CCDC150: variants seen among roughly 807,000 people sequenced by gnomAD.
The protein encoded by CCDC150 is coiled-coil domain containing 150.
In CCDC150, 151 loss-of-function variants were observed where a neutral mutation model predicts 156.5. That is an observed-to-expected ratio of 0.97 (90% CI 0.85 to 1.10). CCDC150 has a LOEUF of 1.10. Ranked by LOEUF, CCDC150 falls within the 50% of genes least tolerant of loss-of-function variation. CCDC150 has a pLI of 0.00. For synonymous variants in CCDC150, 452 were observed against 429.4 expected (o/e 1.05, Z -0.65); for missense variants, 1,312 against 1,268.1 (o/e 1.03, Z -0.53).
chr2:196,713,693 G>T, intron 17 of CCDC150: 1 of 1,389,754 alleles, frequency 7.2e-7, no homozygotes, highest in South Asian at 1.9e-5. Flanking sequence ...GGTAAGTGAA[G>T]ACCACAAATT....
intron 13 of CCDC150, among the ~76,000 whole-genome samples, chr2:196,685,843 T>C (rs927725351): frequency 6.6e-6 from 1 of 152,094 alleles, no homozygotes; most frequent in Non-Finnish European, 1.5e-5. Context: ...CTTGATCTCC[T>C]GACCTCGTGA....
intron 15 of CCDC150, among the ~76,000 whole-genome samples, chr2:196,701,929 A>G (rs1388660438): frequency 6.6e-6 from 1 of 152,126 alleles, no homozygotes; most frequent in Admixed American, 6.6e-5. Context: ...TATTTAAAAC[A>G]TTTTATAAAA....
At chr2:196,716,034 A>T (rs995264806) in intron 17 of CCDC150, among the ~76,000 whole-genome samples, 10 of 152,330 alleles carry the variant, frequency 6.6e-5, no homozygotes, top group African/African-American at 2.4e-4. Flanking sequence ...AACCTAAGAA[A>T]AAGAATAGGC....
At chr2:196,668,513 C>T (rs1287720976) in intron 7 of CCDC150, among the ~76,000 whole-genome samples, 2 of 151,998 alleles carry the variant, frequency 1.3e-5, no homozygotes, top group Non-Finnish European at 2.9e-5. Flanking sequence ...ATTAAAACAA[C>T]AATAATTCAA....
In CCDC150 at chr2:196,729,334, A is replaced by G; in HGVS notation, c.2698A>G (p.Lys900Glu). The part of the protein sequence containing the change: ...EKIKNQKTQI[K>E]LHLSAKANNA... ...AATAAAGAATCAAAAGACCCAAATTAAGCTCCACTTGTCAGCTAAGGCGAA... is the reference window on the plus strand; with the variant it reads ...AATAAAGAATCAAAAGACCCAAATTGAGCTCCACTTGTCAGCTAAGGCGAA... Residue 900 changes from lysine to glutamate, a missense_variant, in exon 23 of 28, where the codon AAG (lysine) becomes GAG (glutamate). Lys to Glu is a moderately conservative substitution (Grantham distance 56, BLOSUM62 1). Transcript: ENST00000389175. The G allele has an allele frequency of 6.2e-7, 1 of 1,613,940 alleles. No individual in the cohort carries two copies. Among genetic ancestry groups the G allele is most frequent in the Non-Finnish European group, 8.5e-7 (1 of 1,179,840 alleles).
chr2:196,719,414 C>T, intron 18 of CCDC150, 83 bp from the exon 19 acceptor site: 1 of 1,153,422 alleles, frequency 8.7e-7, no homozygotes, highest in East Asian at 2.7e-5. Context: ...TTTCCATGCT[C>T]TTTCCTGGGA....
chr2:196,726,171 T>C (rs1698199084), intron 22 of CCDC150, 72 bp downstream of exon 22: 3 of 1,539,012 alleles, frequency 1.9e-6, no homozygotes, highest in Non-Finnish European at 1.8e-6. Flanking sequence ...TTTCAGAGAA[T>C]GGCTACAGTT....
intron 13 of CCDC150, among the ~76,000 whole-genome samples, chr2:196,680,710 A>G (rs1476519277): frequency 6.6e-6 from 1 of 152,132 alleles, no homozygotes; most frequent in Non-Finnish European, 1.5e-5. Context: ...GTGTAAACAT[A>G]TGTTTTCAGT....
At chr2:196,659,770 T>G (rs1245462410) in intron 5 of CCDC150, among the ~76,000 whole-genome samples, 1 of 152,192 alleles carries the variant, frequency 6.6e-6, no homozygotes, top group Non-Finnish European at 1.5e-5. Context: ...GTTTCACTAT[T>G]ATTAATATCT....
chr2:196,677,391 A>G (rs2125618505), intron 13 of CCDC150, 30 bp downstream of exon 13: 2 of 1,381,652 alleles, frequency 1.4e-6, no homozygotes, highest in Non-Finnish European at 1.0e-6. Flanking sequence ...CTGATATTTC[A>G]CTATATTTCC....
At chr2:196,672,632 T>C (rs541539495) in intron 9 of CCDC150, among the ~76,000 whole-genome samples, 195 bp downstream of exon 9, 1 of 152,314 alleles carries the variant, frequency 6.6e-6, no homozygotes, top group Admixed American at 6.5e-5. Flanking sequence ...TCCAAATTCC[T>C]ATGATATATA....
chr2:196,692,661 C>T (rs529251767), intron 13 of CCDC150, among the ~76,000 whole-genome samples: 1 of 152,322 alleles, frequency 6.6e-6, no homozygotes, highest in African/African-American at 2.4e-5. Flanking sequence ...GTCTTGAATT[C>T]TAATTTGATC....
intron 14 of CCDC150, among the ~76,000 whole-genome samples, chr2:196,697,313 T>C (rs1396617649): frequency 6.6e-6 from 1 of 152,124 alleles, no homozygotes; most frequent in East Asian, 1.9e-4. Context: ...TTTTTGTTGT[T>C]GTTGTTTTTT....
chr2:196,709,803 T>G (rs1696963433), intron 15 of CCDC150, among the ~76,000 whole-genome samples: 1 of 152,238 alleles, frequency 6.6e-6, no homozygotes, highest in East Asian at 1.9e-4. Flanking sequence ...GGAGGTCCAC[T>G]CCAGACCCTG....
In CCDC150 at chr2:196,718,601, C is replaced by G; in HGVS notation, c.1965C>G (p.Leu655=). The G allele has an allele frequency of 6.2e-7, 1 of 1,613,524 alleles. No homozygotes were observed. Residue 655 remains leucine (L), a synonymous_variant, in exon 18 of 28, where the codon CTC becomes CTG. Coordinates refer to ENST00000389175, the MANE Select transcript of CCDC150 (RefSeq NM_001080539.2). ...LKESQKLKED[L]EAVEDRENKK... The stretch of plus-strand genomic sequence containing the variant: ...AGAGTCAGAAGTTGAAAGAAGACCT[C>G]GAGGCTGTGGAGGACAGGGAAAACA...
intron 5 of CCDC150, among the ~76,000 whole-genome samples, chr2:196,664,601 G>A (rs746140518): frequency 4.6e-5 from 7 of 152,092 alleles, no homozygotes; most frequent in South Asian, 2.1e-4. Flanking sequence ...TTTTTATGGC[G>A]GCCTCATTAC....
At chr2:196,721,752 C>A in intron 21 of CCDC150, 61 bp downstream of exon 21, 2 of 1,317,290 alleles carry the variant, frequency 1.5e-6, no homozygotes, top group Non-Finnish European at 2.1e-6. Context: ...AAGTCACATT[C>A]CCATAAATGG....
intron 22 of CCDC150, among the ~76,000 whole-genome samples, chr2:196,728,527 G>A (rs199934196): frequency 2.0e-5 from 3 of 152,104 alleles, no homozygotes; most frequent in Non-Finnish European, 2.9e-5. Context: ...AGGCGTGAAC[G>A]CTGTAAAATT....
chr2:196,665,618 T>G lies in CCDC150; in HGVS notation c.697T>G (p.Ser233Ala), dbSNP rs199618545. The change falls in exon 6 of 28, where the codon TCA becomes GCA. Residue 233 changes from serine (S) to alanine (A), a missense_variant. Ser to Ala is a moderately conservative substitution (Grantham distance 99, BLOSUM62 1). Coordinates refer to ENST00000389175, the MANE Select transcript of CCDC150 (RefSeq NM_001080539.2). ...GTACCTTAGGGAATCTTTAGAGAAA[T>G]CAGCATCAGCCATGCTCCTCAAAAT... ...EKYLRESLEK[S>A]ASAMLLKIQE... 5.1e-5 allele frequency: 82 copies of G among 1,605,916 alleles called. No individual in the cohort carries two copies. Among genetic ancestry groups the G allele is most frequent in the Non-Finnish European group, 4.2e-6 (5 of 1,176,492 alleles).
Sources: gnomAD v4.1 joint callset for allele counts (sites outside exome capture counted in the v4.1 genomes callset) on GRCh38, gnomAD v4.1.1 for gene constraint, MANE v1.5 for transcripts, NCBI Gene and HGNC (gene_info 2026-07-23, HGNC 2026-07-21) for gene names.